Variants in TYW1B observed in about 807,000 individuals in gnomAD.
TYW1B encodes the protein tRNA-yW synthesizing protein 1 homolog B.
A neutral mutation model predicts 86.9 loss-of-function variants in TYW1B; 73 were observed. The ratio of observed to expected loss-of-function variants is 0.84; its 90% CI spans 0.70 to 1.02. The LOEUF (loss-of-function observed/expected upper bound fraction) is 1.02, where lower values mean the gene tolerates loss of function less well. Among genes scored for constraint, TYW1B ranks in the 50% least tolerant of loss-of-function variants. The pLI, the probability that TYW1B is intolerant of heterozygous loss-of-function variation, is 0.00. For missense variants in TYW1B, 637 were observed against 827.4 expected, an observed-to-expected ratio of 0.77 and a Z score of 2.82; for synonymous variants, 248 against 292.8, an observed-to-expected ratio of 0.85 and a Z score of 1.56.
chr7:72,734,814 A>T (rs7784600), intron 8 of TYW1B, among the ~76,000 whole-genome samples: 105,742 of 152,114 alleles, frequency 0.7, 37,620 homozygotes, highest in Non-Finnish European at 0.77. Context: ...GTAAATAGAC[A>T]TTTCTCAAAA....
chr7:72,813,270 G>A (rs1180346773), intron 3 of TYW1B, among the ~76,000 whole-genome samples: 1 of 149,484 alleles, frequency 6.7e-6, no homozygotes, highest in Non-Finnish European at 1.5e-5. Flanking sequence ...CCACCTCCCA[G>A]GTTCAAGCAA....
intron 11 of TYW1B, among the ~76,000 whole-genome samples, chr7:72,669,088 C>A (rs1480102457): frequency 7.1e-6 from 1 of 140,640 alleles, no homozygotes; most frequent in Admixed American, 7.3e-5. Context: ...GTCATTTATA[C>A]ACAAAAATTA....
At chr7:72,769,725 A>T (rs1787834018) in intron 7 of TYW1B, among the ~76,000 whole-genome samples, 1 of 152,240 alleles carries the variant, frequency 6.6e-6, no homozygotes, top group African/African-American at 2.4e-5. Context: ...ACTCAGTCTG[A>T]ACAAAGATGT....
chr7:72,618,887 C>T (rs1189481305), intron 12 of TYW1B, among the ~76,000 whole-genome samples: 1 of 152,128 alleles, frequency 6.6e-6, no homozygotes, highest in Non-Finnish European at 1.5e-5. Flanking sequence ...ACTCCCTCTG[C>T]TTGTGAGATT....
At chr7:72,661,049 C>T (rs1452416170) in intron 11 of TYW1B, among the ~76,000 whole-genome samples, 13 of 150,814 alleles carry the variant, frequency 8.6e-5, no homozygotes, top group African/African-American at 2.7e-4. Flanking sequence ...GCAGGAGAAT[C>T]GCTTGAACCC....
At chr7:72,589,505 T>C (rs34732466) in intron 13 of TYW1B, among the ~76,000 whole-genome samples, 1 of 152,144 alleles carries the variant, frequency 6.6e-6, no homozygotes, top group South Asian at 2.1e-4. Flanking sequence ...CAGTAAGAAG[T>C]AAACTGTGCC....
intron 7 of TYW1B, among the ~76,000 whole-genome samples, chr7:72,771,960 C>A (rs1787876109): frequency 6.6e-6 from 1 of 151,648 alleles, no homozygotes; most frequent in Non-Finnish European, 1.5e-5. Context: ...GATTCTCATG[C>A]CTCAGACTCC....
chr7:72,617,404 GT>G (rs1190846371), intron 12 of TYW1B, among the ~76,000 whole-genome samples: 3 of 152,070 alleles, frequency 2.0e-5, no homozygotes, highest in Non-Finnish European at 4.4e-5. Context: ...GTCTTGCTCT[GT>G]CACCTAAGCT....
intron 11 of TYW1B, among the ~76,000 whole-genome samples, chr7:72,648,125 G>A (rs1174952518): frequency 1.3e-5 from 2 of 152,038 alleles, no homozygotes; most frequent in Non-Finnish European, 2.9e-5. Context: ...CAAAAGTTTT[G>A]GGATCAGAAA....
intron 9 of TYW1B, among the ~76,000 whole-genome samples, chr7:72,716,661 CAG>C (rs1786791841): frequency 6.9e-6 from 1 of 145,844 alleles, no homozygotes; most frequent in Non-Finnish European, 1.5e-5. Flanking sequence ...GTTTTTGAGA[CAG>C]AGTCTCGCCC....
In TYW1B at chr7:72,777,343, G is replaced by T; in HGVS notation, c.964+73C>A. ...ACAGCTGCTGAGCTAATTAGAGAGA[G>T]ACTTCATTCTAGGTATCAAATGAGA... On this transcript the variant is annotated intron_variant, in intron 7 of 13. Coordinates refer to ENST00000620995, the MANE Select transcript of TYW1B (RefSeq NM_001145440.3). 3 of 1,544,952 alleles carry T rather than the reference G, an allele frequency of 1.9e-6. No individual in the cohort carries two copies. In the South Asian group the frequency reaches 3.5e-5, roughly 18 times the overall value.
At chr7:72,621,103 C>T (rs1275052903) in intron 12 of TYW1B, among the ~76,000 whole-genome samples, 2 of 152,124 alleles carry the variant, frequency 1.3e-5, no homozygotes, top group African/African-American at 2.4e-5. Flanking sequence ...GGGGGTGGAG[C>T]CCAATGGGAG....
intron 10 of TYW1B, among the ~76,000 whole-genome samples, chr7:72,703,910 C>T (rs1346860119): frequency 6.6e-6 from 1 of 151,526 alleles, no homozygotes; most frequent in African/African-American, 2.4e-5. Flanking sequence ...TCCAAAGTTT[C>T]TGGTTGGAAT....
At chr7:72,632,323 AT>A (rs1812522040) in intron 11 of TYW1B, among the ~76,000 whole-genome samples, 2 of 111,280 alleles carry the variant, frequency 1.8e-5, no homozygotes, top group Non-Finnish European at 3.3e-5. Flanking sequence ...TATATATATT[AT>A]ATATATATAC....
At chr7:72,655,860 C>T (rs1813189781) in intron 11 of TYW1B, among the ~76,000 whole-genome samples, 1 of 152,170 alleles carries the variant, frequency 6.6e-6, no homozygotes, top group Admixed American at 6.5e-5. Context: ...TGTCACCGCC[C>T]ACTGTCACCA....
chr7:72,667,784 T>C (rs34571836), intron 11 of TYW1B, among the ~76,000 whole-genome samples: 2 of 152,242 alleles, frequency 1.3e-5, no homozygotes, highest in African/African-American at 4.8e-5. Flanking sequence ...CTGTAGGGTA[T>C]GCCTGTATTT....
chr7:72,706,810 A>G (rs1239397649), intron 10 of TYW1B, among the ~76,000 whole-genome samples: 1 of 152,200 alleles, frequency 6.6e-6, no homozygotes, highest in Admixed American at 6.5e-5. Flanking sequence ...TTCAAAGTCA[A>G]AAGTCCAGAT....
intron 11 of TYW1B, among the ~76,000 whole-genome samples, chr7:72,651,497 C>A (rs1813056116): frequency 6.6e-6 from 1 of 152,028 alleles, no homozygotes; most frequent in African/African-American, 2.4e-5. Context: ...CACCTATAAT[C>A]CCAGCTACAC....
At chr7:72,616,118 G>T (rs1350342968) in intron 13 of TYW1B, among the ~76,000 whole-genome samples, 1 of 152,068 alleles carries the variant, frequency 6.6e-6, no homozygotes, top group Non-Finnish European at 1.5e-5. Flanking sequence ...CCTCTATCAA[G>T]AACTGGATTT....
Sources: allele counts gnomAD v4.1 joint callset (sites outside exome capture counted in the v4.1 genomes callset), GRCh38; gene constraint gnomAD v4.1.1; transcripts MANE v1.5; gene names NCBI Gene and HGNC (gene_info 2026-07-23, HGNC 2026-07-21).